The following AUTS2 variants were observed in gnomAD, a reference collection of about 807,000 sequenced individuals.
AUTS2 encodes autism susceptibility gene 2 protein.
In AUTS2, 17 loss-of-function variants were observed where a neutral mutation model predicts 112.4. That is an observed-to-expected ratio of 0.15 (90% confidence interval 0.10 to 0.23). The LOEUF is 0.23. AUTS2 is among the 10% of genes least tolerant of loss of function. The probability of loss-of-function intolerance (pLI) is 1.00; values close to 1 mark genes in which losing one functional copy is unlikely to be tolerated. For missense variants in AUTS2, 1,510 were observed against 1,701.6 expected, an observed-to-expected ratio of 0.89 and a Z score of 1.98; for synonymous variants, 751 against 702.7, an observed-to-expected ratio of 1.07 and a Z score of -1.09.
At chr7:69,813,091 A>G (rs1466035743) in intron 1 of AUTS2, among the ~76,000 whole-genome samples, 1 of 152,066 alleles carries the variant, frequency 6.6e-6, no homozygotes, top group African/African-American at 2.4e-5. Flanking sequence ...AGTGCCTGCT[A>G]TCTCTCACCC....
In AUTS2 at chr7:70,786,174, G is replaced by A. The variant is rs111427338; in HGVS notation, c.2308+136G>A. On this transcript the variant is annotated intron_variant, in intron 17 of 18. Coordinates refer to ENST00000342771, the MANE Select transcript of AUTS2 (RefSeq NM_015570.4). ...TGTAGGTTATATCACTGCAAAAGCA[G>A]GCCTTCACAGTGGGGTGAGGTGGAA... 2.4e-5 allele frequency: 17 copies of A among 711,828 alleles called. 1 individual carries two copies. The highest frequency in any genetic ancestry group is 1.6e-4 in the African/African-American group (9 of 55,674). The allele number at this position is 711,828 out of a possible 1,614,324, so 44.1% of individuals were successfully genotyped here.
intron 2 of AUTS2, among the ~76,000 whole-genome samples, chr7:70,065,560 G>A (rs1042131158): frequency 1.3e-5 from 2 of 152,066 alleles, no homozygotes; most frequent in Admixed American, 1.3e-4. Context: ...GCTGGGTGTG[G>A]TGGCACCATG....
chr7:70,212,796 A>G (rs1302332176), intron 4 of AUTS2, among the ~76,000 whole-genome samples: 1 of 152,106 alleles, frequency 6.6e-6, no homozygotes, highest in Non-Finnish European at 1.5e-5. Context: ...TTATTCTTGT[A>G]ATTCAGTAAT....
At chr7:70,740,063 T>C (rs1325021004) in intron 6 of AUTS2, among the ~76,000 whole-genome samples, 1 of 152,198 alleles carries the variant, frequency 6.6e-6, no homozygotes, top group East Asian at 1.9e-4. Context: ...AAAGGAGGTG[T>C]GCAGAACCTG....
intron 3 of AUTS2, among the ~76,000 whole-genome samples, chr7:70,122,159 A>C (rs1406737404): frequency 6.6e-6 from 1 of 152,222 alleles, no homozygotes; most frequent in Non-Finnish European, 1.5e-5. Context: ...ATAAAGTAGA[A>C]TAGAACTTAC....
chr7:69,959,830 G>T (rs576089612), intron 2 of AUTS2, among the ~76,000 whole-genome samples: 1 of 151,948 alleles, frequency 6.6e-6, no homozygotes, highest in Non-Finnish European at 1.5e-5. Context: ...TGTTTCTATA[G>T]AACTCTGTAC....
intron 4 of AUTS2, among the ~76,000 whole-genome samples, chr7:70,233,521 C>T (rs887691009): frequency 2.0e-5 from 3 of 152,162 alleles, no homozygotes; most frequent in African/African-American, 7.2e-5. Context: ...ATAATTGTGA[C>T]TATGACTCCA....
chr7:70,211,858 C>T (rs1475189604), intron 4 of AUTS2, among the ~76,000 whole-genome samples: 2 of 151,294 alleles, frequency 1.3e-5, no homozygotes, highest in African/African-American at 4.9e-5. Context: ...TGATGGCGGG[C>T]GTCTGTAGTC....
chr7:70,633,740 C>T (rs1563090214), intron 5 of AUTS2, among the ~76,000 whole-genome samples: 2 of 151,862 alleles, frequency 1.3e-5, no homozygotes, highest in Non-Finnish European at 2.9e-5. Flanking sequence ...GAATGTGAAC[C>T]GTCTATTAAA....
intron 5 of AUTS2, among the ~76,000 whole-genome samples, chr7:70,606,366 G>T (rs182399190): frequency 7.0e-6 from 1 of 143,058 alleles, no homozygotes; most frequent in South Asian, 2.2e-4. Context: ...TATATTTGCA[G>T]CCCATCAATA....
chr7:70,354,790 T>C (rs1323100399), intron 4 of AUTS2, among the ~76,000 whole-genome samples: 1 of 152,228 alleles, frequency 6.6e-6, no homozygotes, highest in Non-Finnish European at 1.5e-5. Flanking sequence ...TAAGAATGTG[T>C]TCATACCAAT....
chr7:69,920,383 C>A (rs1309565555), intron 2 of AUTS2, among the ~76,000 whole-genome samples: 4 of 151,852 alleles, frequency 2.6e-5, no homozygotes, highest in African/African-American at 9.7e-5. Context: ...AACCTCCTGG[C>A]TCAAGCAATC....
chr7:70,750,960 T>G (rs34243084), intron 6 of AUTS2, among the ~76,000 whole-genome samples: 61,204 of 151,984 alleles, frequency 0.4, 14,328 homozygotes, highest in African/African-American at 0.65. Context: ...GACCCACCCA[T>G]TGGCCAACCT....
At chr7:69,957,847 C>T (rs965592883) in intron 2 of AUTS2, among the ~76,000 whole-genome samples, 6 of 151,364 alleles carry the variant, frequency 4.0e-5, no homozygotes, top group Non-Finnish European at 5.9e-5. Context: ...TAAAAAGTCT[C>T]CCCTTTCTCC....
In AUTS2 at chr7:70,100,633, G is replaced by A. The variant is rs959712663; in HGVS notation, c.523-17499G>A. Among the ~76,000 whole-genome samples, 4 of 149,850 alleles carry A rather than the reference G, an allele frequency of 2.7e-5. 1 individual carries two copies. ...GTGATGTTCCCCTCCCTGTGTCCATGCGTTCTCATTGGTTGTACCATTCTT... is the reference window on the plus strand; with the variant it reads ...GTGATGTTCCCCTCCCTGTGTCCATACGTTCTCATTGGTTGTACCATTCTT... On this transcript the variant is annotated intron_variant, in intron 2 of 18. Transcript: ENST00000342771.
chr7:70,124,363 G>C (rs1405541545), intron 3 of AUTS2, among the ~76,000 whole-genome samples: 4 of 152,132 alleles, frequency 2.6e-5, no homozygotes, highest in African/African-American at 7.2e-5. Context: ...AGTTTAATTA[G>C]ATCCCAGTTG....
chr7:69,778,431 C>T (rs1788993777), intron 1 of AUTS2, among the ~76,000 whole-genome samples: 1 of 151,782 alleles, frequency 6.6e-6, no homozygotes, highest in Non-Finnish European at 1.5e-5. Flanking sequence ...ACCCCACCCA[C>T]TGTAGACCAC....
At chr7:70,035,307 C>T (rs1584613810) in intron 2 of AUTS2, among the ~76,000 whole-genome samples, 1 of 152,292 alleles carries the variant, frequency 6.6e-6, no homozygotes, top group South Asian at 2.1e-4. Flanking sequence ...TAAGTTTCCA[C>T]TTCCTAATCT....
intron 2 of AUTS2, among the ~76,000 whole-genome samples, chr7:70,001,772 C>A (rs952089224): frequency 2.0e-5 from 3 of 150,218 alleles, no homozygotes; most frequent in Non-Finnish European, 4.4e-5. Flanking sequence ...ATGCAGTGGC[C>A]TGATCTCTGT....
Sources: gnomAD v4.1 joint callset for allele counts (sites outside exome capture counted in the v4.1 genomes callset) on GRCh38, gnomAD v4.1.1 for gene constraint, MANE v1.5 for transcripts, NCBI Gene and HGNC (gene_info 2026-07-23, HGNC 2026-07-21) for gene names.